MTMR9: variants seen among roughly 807,000 people sequenced by gnomAD.
The protein encoded by MTMR9 is myotubularin-related protein 9.
A neutral mutation model predicts 69.5 loss-of-function variants in MTMR9; 39 were observed. The observed-to-expected ratio is 0.56, with a 90% CI of 0.43 to 0.73. MTMR9 has a LOEUF of 0.73. MTMR9 is among the 30% of genes least tolerant of loss of function. MTMR9 has a pLI of 0.00. For missense variants in MTMR9, 900 were observed against 671.2 expected, an observed-to-expected ratio of 1.34 and a Z score of -3.77; for synonymous variants, 354 against 240.8, an observed-to-expected ratio of 1.47 and a Z score of -4.35.
At chr8:11,330,705 A>G (rs900384705), downstream of MTMR9, among the ~76,000 whole-genome samples, 6 of 152,110 alleles carry the variant, frequency 3.9e-5, no homozygotes, top group East Asian at 3.9e-4. Flanking sequence ...TGTTAAACAG[A>G]TACTTGAAGA....
At position 11,326,672 on chromosome 8, in the gene MTMR9, T is replaced by G. The variant is rs889583980; in HGVS notation, c.*3884T>G. 2 of 152,226 alleles carry G rather than the reference T, an allele frequency of 1.3e-5. No individual in the cohort carries two copies. The highest frequency in any genetic ancestry group is 6.5e-5 in the Admixed American group (1 of 15,284). The allele number at this position is 152,226 out of a possible 1,614,324, so 9.4% of individuals were successfully genotyped here. On this transcript the variant is annotated 3_prime_UTR_variant, in exon 10 of 10. Transcript: ENST00000221086. Reference sequence around the variant, plus strand: ...CATAGTATTTTTATGTTACCCATCATCTTTAAAAACATTATAGGCTGGGCA... The same window carrying G: ...CATAGTATTTTTATGTTACCCATCAGCTTTAAAAACATTATAGGCTGGGCA...
chr8:11,336,607 C>G, the MTMR9 span, among the ~76,000 whole-genome samples: 1 of 152,166 alleles, frequency 6.6e-6, no homozygotes, highest in Non-Finnish European at 1.5e-5. Flanking sequence ...TAGATAAGTA[C>G]TTTTTTGGCC....
At chr8:11,338,364 G>C in the MTMR9 span, among the ~76,000 whole-genome samples, 3 of 152,210 alleles carry the variant, frequency 2.0e-5, no homozygotes, top group African/African-American at 7.2e-5. Context: ...GGTGGCACTG[G>C]CCTTGTTGGG....
Position 11,322,886 on chromosome 8 carries a change from T to C in MTMR9, c.*98T>C. 1.0e-5 allele frequency: 12 copies of C among 1,148,208 alleles called. No homozygotes were observed. The highest frequency in any genetic ancestry group is 1.5e-5 in the Non-Finnish European group (12 of 809,282). The allele number at this position is 1,148,208 out of a possible 1,614,324, so 71.1% of individuals were successfully genotyped here. A position where few individuals can be genotyped will look rare whatever the true frequency, so the allele number is the denominator to read the frequency against. ...TCACTTTTACACGGTAGCCTTGAAG[T>C]GAAGGCTTTAGATGTGGGACCCCCC... On this transcript the variant is annotated 3_prime_UTR_variant, in exon 10 of 10. Transcript: ENST00000221086.
chr8:11,312,572 T>A (rs947569820), intron 6 of MTMR9, among the ~76,000 whole-genome samples: 3 of 152,214 alleles, frequency 2.0e-5, no homozygotes, highest in Non-Finnish European at 4.4e-5. Context: ...CAGTGACTTC[T>A]CCAGTAAAGC....
intron 8 of MTMR9, chr8:11,319,372 A>G (rs1800565618): frequency 1.5e-5 from 3 of 204,452 alleles, no homozygotes; most frequent in Admixed American, 1.2e-4. Flanking sequence ...CAAATATAAC[A>G]AAGGACTTTT....
At chr8:11,295,093 A>G (rs1368286683) in intron 1 of MTMR9, 101 bp from the exon 2 acceptor site, 1 of 642,294 alleles carries the variant, frequency 1.6e-6, no homozygotes, top group Non-Finnish European at 2.6e-6. Flanking sequence ...GAAAGTTAAT[A>G]TAGATGGTAA....
intron 3 of MTMR9, 79 bp downstream of exon 3, chr8:11,300,227 T>C (rs922193426): frequency 2.3e-5 from 35 of 1,509,130 alleles, no homozygotes; most frequent in Non-Finnish European, 3.1e-5. Context: ...ATCACTTCTT[T>C]TGAAGAGTAA....
In MTMR9 at chr8:11,327,400, CTA is replaced by C; in HGVS notation, c.*4616_*4617del. 1 of 152,192 alleles carries C rather than the reference CTA, an allele frequency of 6.6e-6. No homozygotes were observed. Among genetic ancestry groups the C allele is most frequent in the African/African-American group, 2.4e-5 (1 of 41,464 alleles). The allele number at this position is 152,192 out of a possible 1,614,324, so 9.4% of individuals were successfully genotyped here. A position where few individuals can be genotyped will look rare whatever the true frequency, so the allele number is the denominator to read the frequency against. ...AACCGTCTGCAGGTCTAAGGATTAACTATATTTGTGATTTGTAATAAAACTGA... is the reference window on the plus strand; with the variant it reads ...AACCGTCTGCAGGTCTAAGGATTAACTATTTGTGATTTGTAATAAAACTGA... On this transcript the variant is annotated 3_prime_UTR_variant, in exon 10 of 10. Coordinates refer to ENST00000221086, the MANE Select transcript of MTMR9 (RefSeq NM_015458.4).
intron 3 of MTMR9, among the ~76,000 whole-genome samples, chr8:11,302,293 A>G (rs1799775838): frequency 6.6e-6 from 1 of 151,296 alleles, no homozygotes; most frequent in African/African-American, 2.4e-5. Flanking sequence ...CAAAAAAAAA[A>G]AAAAGGTGAT....
chr8:11,337,995 C>T, the MTMR9 span, among the ~76,000 whole-genome samples: 1 of 152,340 alleles, frequency 6.6e-6, no homozygotes, highest in East Asian at 1.9e-4. Context: ...TTCACAGCAG[C>T]TTCAGGACTT....
chr8:11,331,436 C>T, downstream of MTMR9: 1 of 1,614,020 alleles, frequency 6.2e-7, no homozygotes, highest in East Asian at 2.2e-5. Flanking sequence ...GTGCCCTGCT[C>T]AACGTCCTCA....
chr8:11,318,737 A>G (rs576207364), intron 8 of MTMR9: 2 of 152,340 alleles, frequency 1.3e-5, no homozygotes, highest in Non-Finnish European at 2.9e-5. Context: ...GTATGTGGAT[A>G]TAGATTAAAT....
downstream of MTMR9, chr8:11,331,424 C>A: frequency 6.2e-7 from 1 of 1,613,972 alleles, no homozygotes; most frequent in African/African-American, 1.3e-5. Flanking sequence ...GGGCCTGCTT[C>A]TGTGCCCTGC....
At chr8:11,300,397 T>G (rs1471640390) in intron 3 of MTMR9, 6 of 273,856 alleles carry the variant, frequency 2.2e-5, no homozygotes, top group Non-Finnish European at 2.1e-5. Flanking sequence ...ACAGAACGCT[T>G]GTAAATAATC....
intron 3 of MTMR9, among the ~76,000 whole-genome samples, chr8:11,303,114 T>C (rs1799809585): frequency 6.6e-6 from 1 of 150,388 alleles, no homozygotes; most frequent in Non-Finnish European, 1.5e-5. Flanking sequence ...AAAAGTTGCA[T>C]GGAAGACCAA....
In MTMR9 at chr8:11,300,072, G is replaced by T. The variant is rs773323583; in HGVS notation, c.341G>T (p.Arg114Leu). The T allele has an allele frequency of 3.5e-5, 57 of 1,613,354 alleles. No individual in the cohort carries two copies. The East Asian group carries it at 1.2e-3, about 34-fold the overall frequency. The change falls in exon 3 of 10, where the codon CGT (arginine) becomes CTT (leucine). Residue 114 changes from arginine to leucine, a missense_variant. Coordinates refer to ENST00000221086, the MANE Select transcript of MTMR9 (RefSeq NM_015458.4). ...ACTCTGATGTACCCTTTCTTTTACC[G>T]TCCTATGTTTGAAGTGATAGAAGAT... Reference protein sequence around the residue: ...SITLMYPFFYRPMFEVIEDGW... With the variant: ...SITLMYPFFYLPMFEVIEDGW...
chr8:11,333,552 C>G, the MTMR9 span, among the ~76,000 whole-genome samples: 12 of 151,962 alleles, frequency 7.9e-5, no homozygotes, highest in East Asian at 1.9e-3. Flanking sequence ...TAACTTGAAC[C>G]CATATGAAGA....
chr8:11,335,787 T>C, the MTMR9 span, among the ~76,000 whole-genome samples: 1 of 152,360 alleles, frequency 6.6e-6, no homozygotes, highest in Admixed American at 6.5e-5. Context: ...ATACTCCCTG[T>C]GTGCATGTCT....
Sources: allele counts gnomAD v4.1 joint callset (sites outside exome capture counted in the v4.1 genomes callset), GRCh38; gene constraint gnomAD v4.1.1; transcripts MANE v1.5; gene names NCBI Gene and HGNC (gene_info 2026-07-23, HGNC 2026-07-21).